FGGY: variants seen among roughly 807,000 people sequenced by gnomAD.
FGGY encodes FGGY carbohydrate kinase domain-containing protein.
In FGGY, 72 loss-of-function variants were observed where a neutral mutation model predicts 71.3. The ratio of observed to expected loss-of-function variants is 1.01; its 90% CI spans 0.84 to 1.23. FGGY has a LOEUF of 1.23. Among genes scored for constraint, FGGY ranks in the 50% most tolerant of loss-of-function variants. The pLI is 0.00. For missense variants in FGGY, 668 were observed against 682.3 expected, an observed-to-expected ratio of 0.98 and a Z score of 0.23; for synonymous variants, 251 against 250.3, an observed-to-expected ratio of 1.00 and a Z score of -0.02.
chr1:59,675,034 G>T (rs116640483), intron 14 of FGGY, among the ~76,000 whole-genome samples: 1 of 152,154 alleles, frequency 6.6e-6, no homozygotes, highest in Non-Finnish European at 1.5e-5. Flanking sequence ...TTTAGTCCCT[G>T]CAATAGCTCT....
At chr1:59,393,301 C>G (rs1169216588) in intron 5 of FGGY, 3 of 152,198 alleles carry the variant, frequency 2.0e-5, no homozygotes, top group Non-Finnish European at 4.4e-5. Context: ...TCAGGTAGGT[C>G]AGTATGTGGG....
chr1:59,321,877 C>A (rs531980422), intron 2 of FGGY, 127 bp downstream of exon 2: 21 of 869,166 alleles, frequency 2.4e-5, no homozygotes, highest in Non-Finnish European at 3.5e-5. Context: ...ATAGGCCTTG[C>A]CCTTCAGGAG....
intron 6 of FGGY, among the ~76,000 whole-genome samples, chr1:59,499,299 GTT>G (rs58170089): frequency 8.5e-5 from 9 of 105,774 alleles, no homozygotes; most frequent in Admixed American, 1.1e-4. Context: ...TACTATGTTT[GTT>G]TTTTTTTTTT....
At chr1:59,335,106 C>A (rs2049222865) in intron 2 of FGGY, among the ~76,000 whole-genome samples, 1 of 152,000 alleles carries the variant, frequency 6.6e-6, no homozygotes, top group South Asian at 2.1e-4. Context: ...ATCATAAAAT[C>A]CAGCCATTGT....
chr1:59,365,485 A>C (rs1314079414), intron 4 of FGGY, among the ~76,000 whole-genome samples: 2 of 152,218 alleles, frequency 1.3e-5, no homozygotes, highest in Non-Finnish European at 2.9e-5. Flanking sequence ...CCCACAAGGC[A>C]TGGCTTGATC....
At chr1:59,463,669 C>G (rs1442354272) in intron 6 of FGGY, among the ~76,000 whole-genome samples, 1 of 139,018 alleles carries the variant, frequency 7.2e-6, no homozygotes, top group Non-Finnish European at 1.5e-5. Context: ...GGAGGAAGAT[C>G]TACCAAGCAA....
chr1:59,605,267 T>G (rs765411640), intron 8 of FGGY, among the ~76,000 whole-genome samples: 23 of 152,182 alleles, frequency 1.5e-4, no homozygotes, highest in Admixed American at 7.2e-4. Flanking sequence ...TGATTAATAT[T>G]TTTCTTAAGG....
chr1:59,639,606 A>T (rs1461773187), intron 11 of FGGY, among the ~76,000 whole-genome samples: 1 of 151,836 alleles, frequency 6.6e-6, no homozygotes, highest in Non-Finnish European at 1.5e-5. Context: ...CACATTTCAT[A>T]TGGGTACAGA....
At chr1:59,462,332 T>C (rs1373388993) in intron 6 of FGGY, among the ~76,000 whole-genome samples, 1 of 152,184 alleles carries the variant, frequency 6.6e-6, no homozygotes, top group Non-Finnish European at 1.5e-5. Context: ...GACTTAACCG[T>C]TAGACCTAAA....
chr1:59,753,088 G>A (rs912015116), intron 14 of FGGY, among the ~76,000 whole-genome samples: 8 of 152,256 alleles, frequency 5.3e-5, no homozygotes, highest in East Asian at 1.9e-4. Flanking sequence ...AGAGGGTAGC[G>A]TGCTGCAAAT....
At chr1:59,413,125 CA>C (rs1238613739) in intron 5 of FGGY, among the ~76,000 whole-genome samples, 3 of 152,204 alleles carry the variant, frequency 2.0e-5, no homozygotes, top group Non-Finnish European at 4.4e-5. Flanking sequence ...GCTCAGATCT[CA>C]TCTAAAGCAG....
At chr1:59,500,232 T>A (rs1220307143) in intron 6 of FGGY, among the ~76,000 whole-genome samples, 1 of 152,336 alleles carries the variant, frequency 6.6e-6, no homozygotes, top group East Asian at 1.9e-4. Context: ...TCCTTCCTTT[T>A]ATAAACTTGA....
chr1:59,392,025 G>A (rs2060755485), intron 5 of FGGY, among the ~76,000 whole-genome samples: 1 of 152,166 alleles, frequency 6.6e-6, no homozygotes, highest in Non-Finnish European at 1.5e-5. Context: ...GGTGAAGCCA[G>A]TGTGTGGAAT....
intron 1 of FGGY, among the ~76,000 whole-genome samples, chr1:59,313,033 C>T (rs2044666766): frequency 6.6e-6 from 1 of 152,208 alleles, no homozygotes. Context: ...ATCCCCAAAA[C>T]CCTGAAAAAT....
intron 11 of FGGY, among the ~76,000 whole-genome samples, chr1:59,644,442 T>C (rs1324002320): frequency 6.6e-6 from 1 of 152,184 alleles, no homozygotes; most frequent in African/African-American, 2.4e-5. Flanking sequence ...ATAGCATGGC[T>C]GGACTAGGTA....
intron 8 of FGGY, among the ~76,000 whole-genome samples, chr1:59,568,456 C>CGG (rs201361914): frequency 9.8e-4 from 17 of 17,342 alleles, no homozygotes; most frequent in Admixed American, 8.5e-3. Flanking sequence ...ATTCTATGGT[C>CGG]GGGGGGGCGG....
chr1:59,473,312 C>T (rs545189936), intron 6 of FGGY, among the ~76,000 whole-genome samples: 7 of 152,158 alleles, frequency 4.6e-5, no homozygotes, highest in South Asian at 4.2e-4. Context: ...AGGTCCGCAG[C>T]TTCACTCCTG....
intron 6 of FGGY, among the ~76,000 whole-genome samples, chr1:59,501,167 G>A (rs949981234): frequency 6.6e-6 from 1 of 152,106 alleles, no homozygotes; most frequent in East Asian, 1.9e-4. Context: ...AGAAACCAAC[G>A]CTGGCCCTTG....
intron 8 of FGGY, among the ~76,000 whole-genome samples, chr1:59,588,145 A>T (rs1490474292): frequency 6.6e-6 from 1 of 152,358 alleles, no homozygotes; most frequent in East Asian, 1.9e-4. Context: ...TACGTGAAGA[A>T]TGCAGAAGCC....
Sources: allele counts gnomAD v4.1 joint callset (sites outside exome capture counted in the v4.1 genomes callset), GRCh38; gene constraint gnomAD v4.1.1; transcripts MANE v1.5; gene names NCBI Gene and HGNC (gene_info 2026-07-23, HGNC 2026-07-21).